GRM5: variants seen among roughly 807,000 people sequenced by gnomAD.
The protein encoded by GRM5 is glutamate metabotropic receptor 5, also known as metabotropic glutamate receptor 5.
Under a neutral mutation model 83.1 loss-of-function variants are expected in GRM5, and 19 were observed. The observed-to-expected ratio is 0.23, with a 90% CI of 0.16 to 0.34. GRM5 has a LOEUF of 0.34. Among genes scored for constraint, GRM5 ranks in the 10% least tolerant of loss-of-function variants. GRM5 has a pLI of 1.00. For synonymous variants in GRM5, 675 were observed against 633.6 expected (o/e 1.07, Z -0.98); for missense variants, 1,160 against 1,588.3 (o/e 0.73, Z 4.58).
intron 1 of GRM5, among the ~76,000 whole-genome samples, chr11:89,063,097 A>G (rs1942028301): frequency 1.3e-5 from 2 of 152,188 alleles, no homozygotes; most frequent in Non-Finnish European, 2.9e-5. Context: ...TTGAAAAGCA[A>G]TTCTCTGTCC....
chr11:88,715,448 A>G (rs368994179), intron 3 of GRM5, among the ~76,000 whole-genome samples: 1 of 151,584 alleles, frequency 6.6e-6, no homozygotes, highest in Admixed American at 6.6e-5. Context: ...AAAAAACTAT[A>G]TAATTCTCAA....
chr11:88,835,374 G>A (rs1944075536), intron 3 of GRM5, among the ~76,000 whole-genome samples: 1 of 152,194 alleles, frequency 6.6e-6, no homozygotes, highest in African/African-American at 2.4e-5. Context: ...GTGCAGAAGT[G>A]TGTCAATTCT....
chr11:88,774,910 T>C (rs1397874899), intron 3 of GRM5, among the ~76,000 whole-genome samples: 1 of 152,202 alleles, frequency 6.6e-6, no homozygotes, highest in Non-Finnish European at 1.5e-5. Context: ...AATTCTCTTT[T>C]GTTGTTGTGT....
chr11:89,037,481 G>A (rs1442301605), intron 2 of GRM5, among the ~76,000 whole-genome samples: 14 of 152,078 alleles, frequency 9.2e-5, no homozygotes, highest in Non-Finnish European at 1.6e-4. Flanking sequence ...ACAGTTTGTT[G>A]CAAATATATC....
intron 2 of GRM5, among the ~76,000 whole-genome samples, chr11:89,020,691 T>C (rs1251513999): frequency 6.6e-6 from 1 of 152,238 alleles, no homozygotes; most frequent in African/African-American, 2.4e-5. Flanking sequence ...TTTTGATGAA[T>C]TAATGATCCA....
At chr11:88,585,604 G>A (rs1489411009) in intron 7 of GRM5, among the ~76,000 whole-genome samples, 1 of 151,984 alleles carries the variant, frequency 6.6e-6, no homozygotes, top group Non-Finnish European at 1.5e-5. Context: ...ATTTTAGTTT[G>A]GCCAGCTCCC....
chr11:88,896,491 TTATC>T (rs10539914), intron 2 of GRM5, among the ~76,000 whole-genome samples: 92,441 of 150,808 alleles, frequency 0.61, 28,569 homozygotes, highest in Admixed American at 0.73. Flanking sequence ...GGAGAATCTA[TTATC>T]TATCTATCTG....
At chr11:89,060,283 T>TACAC (rs1259619989) in intron 1 of GRM5, among the ~76,000 whole-genome samples, 6 of 142,892 alleles carry the variant, frequency 4.2e-5, no homozygotes, top group African/African-American at 1.1e-4. Flanking sequence ...TATATATATA[T>TACAC]ATACACACAC....
chr11:88,596,478 C>T (rs1247302470), intron 6 of GRM5, among the ~76,000 whole-genome samples: 1 of 152,108 alleles, frequency 6.6e-6, no homozygotes, highest in African/African-American at 2.4e-5. Flanking sequence ...AATCTGGGTT[C>T]AACTTATTTC....
intron 9 of GRM5, among the ~76,000 whole-genome samples, chr11:88,509,794 G>A (rs984353096): frequency 3.3e-5 from 5 of 152,206 alleles, no homozygotes; most frequent in Admixed American, 2.0e-4. Flanking sequence ...TTAGGATTCT[G>A]CGGGAGTTCT....
At chr11:88,957,290 C>T (rs529584192) in intron 2 of GRM5, among the ~76,000 whole-genome samples, 8 of 152,034 alleles carry the variant, frequency 5.3e-5, no homozygotes, top group Non-Finnish European at 1.2e-4. Flanking sequence ...AAGCAGAAGG[C>T]GGATGGAGAA....
At chr11:89,023,797 C>T (rs1023305199) in intron 2 of GRM5, among the ~76,000 whole-genome samples, 3 of 151,150 alleles carry the variant, frequency 2.0e-5, no homozygotes, top group Non-Finnish European at 4.4e-5. Context: ...TTGCAGTGAG[C>T]CAAGATCACA....
intron 3 of GRM5, among the ~76,000 whole-genome samples, chr11:88,704,355 A>T (rs147859005): frequency 2.9e-4 from 44 of 152,146 alleles, no homozygotes; most frequent in African/African-American, 9.4e-4. Flanking sequence ...ACAGGGCCTG[A>T]TTTTAAAACC....
chr11:88,844,387 CACAT>C (rs915366411), intron 3 of GRM5, among the ~76,000 whole-genome samples: 20 of 144,462 alleles, frequency 1.4e-4, no homozygotes, highest in African/African-American at 5.2e-4. Context: ...CACACACACA[CACAT>C]ATATATATAT....
intron 3 of GRM5, among the ~76,000 whole-genome samples, chr11:88,661,156 T>A (rs1939894176): frequency 6.6e-6 from 1 of 152,194 alleles, no homozygotes; most frequent in South Asian, 2.1e-4. Context: ...CTACAAATTT[T>A]ATACTTTGCA....
intron 3 of GRM5, among the ~76,000 whole-genome samples, chr11:88,680,568 G>T (rs1051622068): frequency 6.6e-6 from 1 of 152,186 alleles, no homozygotes; most frequent in Non-Finnish European, 1.5e-5. Flanking sequence ...GGAAGACAGT[G>T]TGGCGATCCC....
In GRM5 at chr11:88,590,468, T is replaced by G. The variant is rs991527162; in HGVS notation, c.1690+133A>C. ...AGTAGCTCAGACTTTGGGAAGCTTG[T>G]GTTCCCAAGGAAATTATTTGTTCCA... On this transcript the variant is annotated intron_variant, in intron 7 of 9. Coordinates refer to ENST00000305447, the MANE Select transcript of GRM5 (RefSeq NM_001143831.3). 4.3e-6 allele frequency: 3 copies of G among 690,874 alleles called. No homozygotes were observed. The African/African-American group carries it at 5.4e-5, about 13-fold the overall frequency. The allele number at this position is 690,874 out of a possible 1,614,324, so 42.8% of individuals were successfully genotyped here.
chr11:88,584,563 C>T (rs1478995807), intron 7 of GRM5, among the ~76,000 whole-genome samples: 2 of 152,148 alleles, frequency 1.3e-5, no homozygotes, highest in Admixed American at 6.6e-5. Flanking sequence ...CTGCCTCAGA[C>T]TCCTGAGTAG....
intron 3 of GRM5, among the ~76,000 whole-genome samples, chr11:88,678,164 T>G (rs983660135): frequency 6.6e-6 from 1 of 151,988 alleles, no homozygotes. Flanking sequence ...CCTTAAGTGA[T>G]TCTCCCATTG....
Sources: gnomAD v4.1 joint callset for allele counts (sites outside exome capture counted in the v4.1 genomes callset) on GRCh38, gnomAD v4.1.1 for gene constraint, MANE v1.5 for transcripts, NCBI Gene and HGNC (gene_info 2026-07-23, HGNC 2026-07-21) for gene names.